Variants in PDE4D observed in about 807,000 individuals in gnomAD.
PDE4D encodes the protein 3',5'-cyclic-AMP phosphodiesterase 4D.
A neutral mutation model predicts 87.4 loss-of-function variants in PDE4D; 24 were observed. The ratio of observed to expected loss-of-function variants is 0.27; its 90% CI spans 0.20 to 0.39. The LOEUF is 0.39. Among genes scored for constraint, PDE4D ranks in the 10% least tolerant of loss-of-function variants. PDE4D has a pLI of 1.00. For missense variants in PDE4D, 714 were observed against 1,041.0 expected (o/e 0.69, Z 4.32); for synonymous variants, 384 against 383.2 (o/e 1.00, Z -0.02).
intron 1 of PDE4D, among the ~76,000 whole-genome samples, chr5:59,771,483 A>AAGAAAGAAAGAGAGAG (rs1379469312): frequency 1.8e-5 from 1 of 54,332 alleles, no homozygotes; most frequent in African/African-American, 6.7e-5. Flanking sequence ...GAAAGAAAGA[A>AAGAAAGAAAGAGAGAG]AGAGAGAGAG....
At chr5:59,522,386 A>G (rs1812393981) in intron 1 of PDE4D, among the ~76,000 whole-genome samples, 1 of 152,218 alleles carries the variant, frequency 6.6e-6, no homozygotes, top group Admixed American at 6.5e-5. Flanking sequence ...CAAGACTTAG[A>G]GACAGTTGCT....
intron 2 of PDE4D, among the ~76,000 whole-genome samples, chr5:60,036,474 G>A (rs1459561640): frequency 6.6e-6 from 1 of 152,168 alleles, no homozygotes; most frequent in Admixed American, 6.5e-5. Context: ...ATAGTGAAAA[G>A]GTGTTGGTGA....
At chr5:59,623,771 G>C (rs1205873820) in intron 1 of PDE4D, among the ~76,000 whole-genome samples, 1 of 152,164 alleles carries the variant, frequency 6.6e-6, no homozygotes, top group Non-Finnish European at 1.5e-5. Flanking sequence ...TACATTTAAG[G>C]AGGGTTCAAT....
At chr5:59,590,967 T>A (rs1003671185) in intron 1 of PDE4D, among the ~76,000 whole-genome samples, 2 of 152,164 alleles carry the variant, frequency 1.3e-5, no homozygotes, top group Admixed American at 6.6e-5. Context: ...GTTATGCTCA[T>A]AAGAGTGAAG....
At chr5:59,574,084 TTATATATATAAATATATA>T (rs1561240753) in intron 1 of PDE4D, among the ~76,000 whole-genome samples, 83,693 of 109,632 alleles carry the variant, frequency 0.76, 31,143 homozygotes, top group South Asian at 0.85. Context: ...ATATATATAT[TTATATATATAAATATATA>T]TTTATATATA....
At chr5:59,214,825 T>A (rs373904707) in intron 2 of PDE4D, among the ~76,000 whole-genome samples, 5 of 152,172 alleles carry the variant, frequency 3.3e-5, no homozygotes, top group African/African-American at 1.2e-4. Context: ...TAGAACCCCA[T>A]GTAGACCTAT....
chr5:59,043,745 CCTT>C (rs1478234596), intron 5 of PDE4D, among the ~76,000 whole-genome samples: 4 of 151,802 alleles, frequency 2.6e-5, no homozygotes, highest in African/African-American at 9.7e-5. Flanking sequence ...GTGATGTTCC[CCTT>C]CCTATGTCCA....
intron 1 of PDE4D, among the ~76,000 whole-genome samples, chr5:59,603,341 C>G (rs950506042): frequency 1.3e-5 from 2 of 151,826 alleles, no homozygotes; most frequent in African/African-American, 4.8e-5. Flanking sequence ...GGCAAAGGAA[C>G]TAAAAAGACA....
At chr5:59,159,464 G>T (rs189801912) in intron 5 of PDE4D, among the ~76,000 whole-genome samples, 187 of 152,222 alleles carry the variant, frequency 1.2e-3, no homozygotes, top group African/African-American at 4.3e-3. Context: ...ATTATATTGT[G>T]TCAAGTCCTT....
intron 1 of PDE4D, among the ~76,000 whole-genome samples, chr5:59,249,347 C>G (rs1183657921): frequency 1.3e-5 from 2 of 152,054 alleles, no homozygotes; most frequent in East Asian, 3.9e-4. Flanking sequence ...TGAGAACTCT[C>G]AAGCAGTGTG....
intron 1 of PDE4D, among the ~76,000 whole-genome samples, chr5:59,668,906 GAAGAAGAAGAAGAAGAAAGA>G (rs1158632535): frequency 1.3e-5 from 1 of 75,494 alleles, no homozygotes; most frequent in East Asian, 1.5e-3. Context: ...AGAAGAAGAA[GAAGAAGAAGAAGAAGAAAGA>G]AAGAAAGAAT....
At chr5:59,471,951 C>T (rs900487096) in intron 1 of PDE4D, among the ~76,000 whole-genome samples, 1 of 152,034 alleles carries the variant, frequency 6.6e-6, no homozygotes, top group Non-Finnish European at 1.5e-5. Flanking sequence ...CCTTATTCCA[C>T]ATTCAAATGG....
intron 1 of PDE4D, among the ~76,000 whole-genome samples, chr5:59,456,010 C>T (rs139288101): frequency 3.1e-4 from 47 of 152,264 alleles, no homozygotes; most frequent in African/African-American, 1.0e-3. Context: ...TTTACAGGCT[C>T]ATAGGTAGAA....
At chr5:59,667,298 G>GTTGCATTGCA (rs899823287) in intron 1 of PDE4D, among the ~76,000 whole-genome samples, 6 of 151,858 alleles carry the variant, frequency 4.0e-5, no homozygotes, top group Non-Finnish European at 8.8e-5. Context: ...GCTGTGTTGC[G>GTTGCATTGCA]TTGCATTGCA....
In PDE4D at chr5:59,488,252, G is replaced by A. The variant is rs566546960; in HGVS notation, c.456-272284C>T. On this transcript the variant is annotated intron_variant, in intron 1 of 14. Transcript: ENST00000340635. ...TAAAGTGTTGCCATTTCTAAGGCCT[G>A]TAGGCCACTCAGGCTGTAGCTTCGT... Among the ~76,000 whole-genome samples the A allele has an allele frequency of 5.9e-5, 9 of 151,278 alleles. No homozygotes were observed. In the South Asian group the frequency reaches 1.9e-3, roughly 32 times the overall value.
At chr5:60,061,239 G>T (rs1771370743) in intron 2 of PDE4D, among the ~76,000 whole-genome samples, 1 of 152,062 alleles carries the variant, frequency 6.6e-6, no homozygotes, top group Non-Finnish European at 1.5e-5. Context: ...AAAGTCTCAG[G>T]ATACAAAATC....
At chr5:59,664,170 A>C (rs1745692110) in intron 1 of PDE4D, among the ~76,000 whole-genome samples, 1 of 152,196 alleles carries the variant, frequency 6.6e-6, no homozygotes, top group Non-Finnish European at 1.5e-5. Context: ...CAAATGCTGT[A>C]GAACTTCATA....
At chr5:59,415,235 T>C (rs1310536336) in intron 1 of PDE4D, among the ~76,000 whole-genome samples, 3 of 152,128 alleles carry the variant, frequency 2.0e-5, no homozygotes, top group African/African-American at 7.2e-5. Flanking sequence ...GTTCTGAGTT[T>C]AAGTGGAAAA....
intron 1 of PDE4D, among the ~76,000 whole-genome samples, chr5:60,394,282 T>G (rs16877985): frequency 0.026 from 3,905 of 152,300 alleles, 150 homozygotes; most frequent in African/African-American, 0.088. Flanking sequence ...TGAACTGCTT[T>G]CAAGAATATG....
Sources: allele counts gnomAD v4.1 joint callset (sites outside exome capture counted in the v4.1 genomes callset), GRCh38; gene constraint gnomAD v4.1.1; transcripts MANE v1.5; gene names NCBI Gene and HGNC (gene_info 2026-07-23, HGNC 2026-07-21).